CTNNA3: variants seen among roughly 807,000 people sequenced by gnomAD.
CTNNA3 encodes the protein catenin alpha-3.
In CTNNA3, 76 loss-of-function variants were observed where a neutral mutation model predicts 95.7. That is an observed-to-expected ratio of 0.79 (90% CI 0.66 to 0.96). The LOEUF is 0.96. Ranked by LOEUF, CTNNA3 falls within the 40% of genes least tolerant of loss-of-function variation. The pLI, the probability that CTNNA3 is intolerant of heterozygous loss-of-function variation, is 0.00. For missense variants in CTNNA3, 1,191 were observed against 1,089.8 expected, an observed-to-expected ratio of 1.09 and a Z score of -1.31; for synonymous variants, 431 against 374.4, an observed-to-expected ratio of 1.15 and a Z score of -1.74.
chr10:66,946,335 T>C (rs1050349796), intron 7 of CTNNA3, among the ~76,000 whole-genome samples: 2 of 152,154 alleles, frequency 1.3e-5, no homozygotes, highest in African/African-American at 4.8e-5. Context: ...AGCAGCATAA[T>C]TAAGTTAGCA....
intron 5 of CTNNA3, among the ~76,000 whole-genome samples, chr10:67,414,616 C>G (rs1363317759): frequency 6.6e-6 from 1 of 152,108 alleles, no homozygotes; most frequent in Admixed American, 6.5e-5. Context: ...CAAAATCAGG[C>G]AGAGATACAA....
chr10:66,295,648 C>A (rs1413909584), intron 12 of CTNNA3, among the ~76,000 whole-genome samples: 1 of 152,134 alleles, frequency 6.6e-6, no homozygotes, highest in African/African-American at 2.4e-5. Context: ...ACTCAGCTGA[C>A]CCTAAGGCTA....
At chr10:65,953,007 G>A (rs1231318062) in intron 17 of CTNNA3, among the ~76,000 whole-genome samples, 2 of 152,206 alleles carry the variant, frequency 1.3e-5, no homozygotes, top group Non-Finnish European at 2.9e-5. Context: ...CCAAAAGCAT[G>A]ACATTTGGGG....
At chr10:66,348,191 G>A (rs893728994) in intron 12 of CTNNA3, among the ~76,000 whole-genome samples, 2 of 152,000 alleles carry the variant, frequency 1.3e-5, no homozygotes, top group Non-Finnish European at 2.9e-5. Context: ...TTGCAAAAAT[G>A]AAACACAATA....
intron 7 of CTNNA3, among the ~76,000 whole-genome samples, chr10:67,045,063 G>A (rs1854643299): frequency 6.6e-6 from 1 of 152,104 alleles, no homozygotes; most frequent in South Asian, 2.1e-4. Flanking sequence ...GTTTATAGAT[G>A]CCAAATATGA....
intron 14 of CTNNA3, among the ~76,000 whole-genome samples, chr10:66,094,308 C>A (rs1481664141): frequency 6.6e-6 from 1 of 152,008 alleles, no homozygotes; most frequent in South Asian, 2.1e-4. Context: ...TGAGAGCAGA[C>A]CCTGAAGTTC....
intron 7 of CTNNA3, among the ~76,000 whole-genome samples, chr10:66,916,641 T>C (rs1018463841): frequency 4.6e-5 from 7 of 152,134 alleles, no homozygotes; most frequent in East Asian, 1.9e-4. Context: ...GATTCATTTG[T>C]TGATAAGTGG....
At chr10:66,373,820 A>G (rs2092772173) in intron 12 of CTNNA3, among the ~76,000 whole-genome samples, 1 of 152,234 alleles carries the variant, frequency 6.6e-6, no homozygotes, top group South Asian at 2.1e-4. Flanking sequence ...GGTTCTTGTA[A>G]GTAATTGAAT....
At position 66,232,725 on chromosome 10, in the gene CTNNA3, C is replaced by T. The variant is rs953789534; in HGVS notation, c.1884+47745G>A. ...GAGCAGAAATAGTGTAACATTTATA[C>T]AATCACTTGATTTATTACAAAGTTG... On this transcript the variant is annotated intron_variant, in intron 13 of 17. Coordinates refer to ENST00000433211, the MANE Select transcript of CTNNA3 (RefSeq NM_013266.4). 5.3e-5 allele frequency among the ~76,000 whole-genome samples: 8 copies of T among 152,076 alleles called. No homozygotes were observed. In the East Asian group the frequency reaches 5.8e-4, roughly 11 times the overall value.
chr10:66,949,563 TAAA>T (rs5785805), intron 7 of CTNNA3, among the ~76,000 whole-genome samples: 1 of 139,586 alleles, frequency 7.2e-6, no homozygotes, highest in African/African-American at 2.6e-5. Context: ...CATCTCAAAA[TAAA>T]AAAAAAAAAA....
intron 5 of CTNNA3, among the ~76,000 whole-genome samples, chr10:67,261,574 C>G (rs1866609312): frequency 6.6e-6 from 1 of 152,102 alleles, no homozygotes; most frequent in Admixed American, 6.5e-5. Context: ...CTCATTAATT[C>G]TGGCTTAGAA....
At chr10:66,247,025 GGTGA>G (rs1267422049) in intron 13 of CTNNA3, among the ~76,000 whole-genome samples, 5 of 140,430 alleles carry the variant, frequency 3.6e-5, no homozygotes, top group African/African-American at 5.4e-5. Flanking sequence ...ACTCCAGCCT[GGTGA>G]CACAGCAAGA....
intron 9 of CTNNA3, among the ~76,000 whole-genome samples, chr10:66,660,714 T>C (rs748407745): frequency 6.6e-6 from 1 of 152,194 alleles, no homozygotes; most frequent in Non-Finnish European, 1.5e-5. Context: ...TCTTTAATTC[T>C]TTTCAGGTTT....
chr10:66,875,388 T>C (rs1369884784), intron 7 of CTNNA3, among the ~76,000 whole-genome samples: 3 of 85,800 alleles, frequency 3.5e-5, no homozygotes, highest in Non-Finnish European at 8.0e-5. Context: ...TTTTAATCAC[T>C]GTTATTTAAA....
intron 13 of CTNNA3, among the ~76,000 whole-genome samples, chr10:66,168,663 C>A (rs1051364257): frequency 6.6e-6 from 1 of 152,160 alleles, no homozygotes; most frequent in South Asian, 2.1e-4. Context: ...CAACAGCTAT[C>A]CAATTACTGG....
chr10:66,984,152 C>CA (rs5785810), intron 7 of CTNNA3, among the ~76,000 whole-genome samples: 1,571 of 151,850 alleles, frequency 0.01, 15 homozygotes, highest in Middle Eastern at 0.02. Context: ...CATCCGCTAC[C>CA]AAAAAAAACA....
intron 12 of CTNNA3, among the ~76,000 whole-genome samples, chr10:66,296,553 A>G (rs1462135456): frequency 6.6e-5 from 10 of 151,324 alleles, no homozygotes. Context: ...ATGTGTGTGC[A>G]TGCGTGTGTG....
At chr10:67,410,348 G>C (rs1010133444) in intron 5 of CTNNA3, among the ~76,000 whole-genome samples, 1 of 152,032 alleles carries the variant, frequency 6.6e-6, no homozygotes, top group Admixed American at 6.6e-5. Flanking sequence ...ACTGGGTCCT[G>C]TCAAAGGGCA....
intron 12 of CTNNA3, among the ~76,000 whole-genome samples, chr10:66,294,944 C>T (rs775962595): frequency 2.0e-5 from 3 of 150,846 alleles, no homozygotes; most frequent in African/African-American, 2.5e-5. Flanking sequence ...ATTGGGATGA[C>T]AGTTGAAGCC....
Sources: gnomAD v4.1 joint callset for allele counts (sites outside exome capture counted in the v4.1 genomes callset) on GRCh38, gnomAD v4.1.1 for gene constraint, MANE v1.5 for transcripts, NCBI Gene and HGNC (gene_info 2026-07-23, HGNC 2026-07-21) for gene names.